The following PTPRG variants were observed in gnomAD, a reference collection of about 807,000 sequenced individuals.
PTPRG encodes protein tyrosine phosphatase receptor type G, also known as receptor-type tyrosine-protein phosphatase gamma.
In PTPRG, 102 loss-of-function variants were observed where a neutral mutation model predicts 165.3. The ratio of observed to expected loss-of-function variants is 0.62; its 90% CI spans 0.53 to 0.73. PTPRG has a LOEUF of 0.73. PTPRG is among the 30% of genes least tolerant of loss of function. The probability of loss-of-function intolerance (pLI) is 0.00; values close to 1 mark genes in which losing one functional copy is unlikely to be tolerated. For missense variants in PTPRG, 1,866 were observed against 1,861.4 expected (o/e 1.00, Z -0.05); for synonymous variants, 675 against 669.5 (o/e 1.01, Z -0.13).
Position 62,203,766 on chromosome 3 carries a change from C to T in PTPRG, c.1971C>T (p.Gly657=), listed in dbSNP as rs758300826. 24 of 1,609,904 alleles carry T rather than the reference C, an allele frequency of 1.5e-5. No homozygotes were observed. In the East Asian group the frequency reaches 1.6e-4, roughly 10 times the overall value. ...DHTAVPTDQT[G]GRRDAGPGLD... Reference sequence around the variant, plus strand: ...CTGCCGTCCCCACAGACCAGACGGGCGGAAGGAGGGATGCCGGCCCAGGCC... The same window carrying T: ...CTGCCGTCCCCACAGACCAGACGGGTGGAAGGAGGGATGCCGGCCCAGGCC... Residue 657 remains glycine, a synonymous_variant, in exon 12 of 30, where the codon GGC becomes GGT. Transcript: ENST00000474889. This position sits in a 1 kb window ranked among gnomAD's most constrained non-coding sequence, Gnocchi z 6.4.
intron 2 of PTPRG, among the ~76,000 whole-genome samples, chr3:61,829,411 C>T (rs564600671): frequency 2.6e-5 from 4 of 152,220 alleles, no homozygotes; most frequent in Admixed American, 2.0e-4. Context: ...AGGCCTCTGT[C>T]GAGGCGGGTG....
intron 1 of PTPRG, among the ~76,000 whole-genome samples, chr3:61,612,656 A>C (rs1225190568): frequency 6.6e-6 from 1 of 152,126 alleles, no homozygotes; most frequent in East Asian, 1.9e-4. Flanking sequence ...TCTCTACATT[A>C]AAGGTGCATT....
intron 21 of PTPRG, among the ~76,000 whole-genome samples, chr3:62,272,477 C>G (rs1289812595): frequency 6.6e-6 from 1 of 152,066 alleles, no homozygotes; most frequent in African/African-American, 2.4e-5. Flanking sequence ...CTTTGGTACT[C>G]AAATACATGT....
chr3:61,755,358 G>C (rs1265641013), intron 2 of PTPRG, among the ~76,000 whole-genome samples: 3 of 152,204 alleles, frequency 2.0e-5, no homozygotes, highest in Non-Finnish European at 2.9e-5. Context: ...GGAGGAATCA[G>C]CCTTGAGAGT....
chr3:61,866,577 T>G (rs1343972048), intron 2 of PTPRG, among the ~76,000 whole-genome samples: 1 of 143,348 alleles, frequency 7.0e-6, no homozygotes, highest in Non-Finnish European at 1.5e-5. Context: ...TTGGAACTGT[T>G]TGCTCTTTTT....
intron 1 of PTPRG, among the ~76,000 whole-genome samples, chr3:61,730,467 G>A (rs1468939462): frequency 1.3e-5 from 2 of 152,130 alleles, no homozygotes; most frequent in African/African-American, 2.4e-5. Flanking sequence ...CATTAACAGC[G>A]GAGGTTCATT....
At position 62,191,500 on chromosome 3, in the gene PTPRG, G is replaced by T; in HGVS notation, c.1065G>T (p.Val355=). 6.2e-7 allele frequency: 1 copy of T among 1,614,096 alleles called. No homozygotes were observed. Among genetic ancestry groups the T allele is most frequent in the Non-Finnish European group, 8.5e-7 (1 of 1,180,008 alleles). The change falls in exon 9 of 30, where the codon GTG becomes GTT. Residue 355 remains valine (V), a synonymous_variant. Transcript: ENST00000474889. ...GCTCTCCACCCATCCACATGAAGGT[G>T]CAGCCTCTGAACCAGACGGCACTGC... ...VCSSPPIHMK[V]QPLNQTALQV...
intron 28 of PTPRG, among the ~76,000 whole-genome samples, chr3:62,283,762 G>A (rs1702536858): frequency 6.6e-6 from 1 of 151,990 alleles, no homozygotes; most frequent in Non-Finnish European, 1.5e-5. Context: ...GTATCATGAT[G>A]TACACAAGAG....
At chr3:62,110,782 G>A (rs1156311524) in intron 5 of PTPRG, among the ~76,000 whole-genome samples, 1 of 152,126 alleles carries the variant, frequency 6.6e-6, no homozygotes, top group Non-Finnish European at 1.5e-5. Flanking sequence ...CACTTTCTCT[G>A]CATACACAAT....
intron 10 of PTPRG, among the ~76,000 whole-genome samples, chr3:62,196,578 A>T (rs565977841): frequency 6.6e-6 from 1 of 152,212 alleles, no homozygotes; most frequent in East Asian, 1.9e-4. Context: ...TGTGGGCTGT[A>T]GCCACGGGCC....
intron 14 of PTPRG, among the ~76,000 whole-genome samples, chr3:62,242,461 C>G (rs528403474): frequency 6.6e-6 from 1 of 152,286 alleles, no homozygotes; most frequent in Non-Finnish European, 1.5e-5. Flanking sequence ...AGAGCACTAT[C>G]CAAATGGAAA....
chr3:61,850,995 T>G, intron 2 of PTPRG, among the ~76,000 whole-genome samples: 1 of 152,312 alleles, frequency 6.6e-6, no homozygotes, highest in Admixed American at 6.5e-5. Context: ...GGTGTCAGGT[T>G]AGGTAAGATT....
At chr3:61,642,221 G>C (rs879406798) in intron 1 of PTPRG, among the ~76,000 whole-genome samples, 8 of 152,134 alleles carry the variant, frequency 5.3e-5, no homozygotes, top group African/African-American at 1.2e-4. Context: ...GGGCTGTGGC[G>C]TATGCCTCTC....
chr3:61,574,317 A>C (rs1232701157), intron 1 of PTPRG, among the ~76,000 whole-genome samples: 1 of 152,206 alleles, frequency 6.6e-6, no homozygotes, highest in Non-Finnish European at 1.5e-5. Context: ...GACAAGTACT[A>C]GTTGGTCACC....
intron 1 of PTPRG, among the ~76,000 whole-genome samples, chr3:61,667,532 ACTTG>A (rs1559547968): frequency 6.6e-6 from 1 of 152,202 alleles, no homozygotes; most frequent in Non-Finnish European, 1.5e-5. Flanking sequence ...ATTTTAATTC[ACTTG>A]CTTCTCAGAA....
intron 16 of PTPRG, chr3:62,260,809 C>T (rs996346793): frequency 2.4e-4 from 36 of 152,166 alleles, no homozygotes; most frequent in Non-Finnish European, 4.4e-5. Flanking sequence ...TTACAGATGA[C>T]ATTATTATCT....
intron 2 of PTPRG, among the ~76,000 whole-genome samples, chr3:61,849,709 GA>G (rs1250820847): frequency 5.3e-5 from 8 of 152,272 alleles, no homozygotes; most frequent in Admixed American, 5.2e-4. Flanking sequence ...ACTACACATA[GA>G]ACAAATCCAG....
intron 15 of PTPRG, among the ~76,000 whole-genome samples, chr3:62,247,777 T>C (rs983285154): frequency 6.6e-6 from 1 of 152,200 alleles, no homozygotes; most frequent in African/African-American, 2.4e-5. Flanking sequence ...AGCTTGTATC[T>C]TTAAATCCCA....
chr3:62,066,580 C>T (rs1252925824), intron 4 of PTPRG, among the ~76,000 whole-genome samples: 1 of 152,146 alleles, frequency 6.6e-6, no homozygotes, highest in East Asian at 1.9e-4. Context: ...CACCTAGGGG[C>T]CCCTCCCCCT....
Sources: allele counts gnomAD v4.1 joint callset (sites outside exome capture counted in the v4.1 genomes callset), GRCh38; gene constraint gnomAD v4.1.1; non-coding constraint Gnocchi (gnomAD v3.1); transcripts MANE v1.5; gene names NCBI Gene and HGNC (gene_info 2026-07-23, HGNC 2026-07-21).